Variants in DLG2 observed in about 807,000 individuals in gnomAD.
The protein encoded by DLG2 is discs large MAGUK scaffold protein 2.
DLG2 carries 45 observed loss-of-function variants against 132.5 expected under a neutral mutation model. That is an observed-to-expected ratio of 0.34 (90% CI 0.27 to 0.44). DLG2 has a LOEUF of 0.44. Ranked by LOEUF, DLG2 falls within the 20% of genes least tolerant of loss-of-function variation. The pLI is 1.00. For synonymous variants in DLG2, 424 were observed against 419.6 expected (o/e 1.01, Z -0.13); for missense variants, 1,045 against 1,196.9 (o/e 0.87, Z 1.87).
chr11:84,670,587 T>C (rs1200999428), intron 6 of DLG2, among the ~76,000 whole-genome samples: 1 of 152,118 alleles, frequency 6.6e-6, no homozygotes, highest in Non-Finnish European at 1.5e-5. Flanking sequence ...TGGCATAATA[T>C]AATAATTCAA....
chr11:83,469,479 T>A, intron 24 of DLG2, 106 bp from the exon 25 acceptor site: 1 of 837,920 alleles, frequency 1.2e-6, no homozygotes, highest in Non-Finnish European at 1.8e-6. Context: ...TAGAAATATG[T>A]AGTATGAAGA....
At position 84,210,258 on chromosome 11, in the gene DLG2, G is replaced by A. The variant is rs1288455445; in HGVS notation, c.573+40980C>T. ...AGATAGAGCCACTGCACTCTAGCCT[G>A]GGTGACAGAGTGATACTCTGTCTCC... On this transcript the variant is annotated intron_variant, in intron 8 of 27. Transcript: ENST00000376104. 2.6e-5 allele frequency among the ~76,000 whole-genome samples: 4 copies of A among 151,732 alleles called. No homozygotes were observed. In the East Asian group the frequency reaches 7.7e-4, roughly 29 times the overall value.
chr11:83,792,457 A>G (rs559031855), intron 17 of DLG2, among the ~76,000 whole-genome samples: 1 of 152,306 alleles, frequency 6.6e-6, no homozygotes, highest in African/African-American at 2.4e-5. Context: ...AAGACATACA[A>G]TTAAAAGGCT....
intron 6 of DLG2, among the ~76,000 whole-genome samples, chr11:84,901,337 G>A (rs558474330): frequency 6.6e-6 from 1 of 152,132 alleles, no homozygotes; most frequent in Admixed American, 6.6e-5. Flanking sequence ...ATGAAACTGA[G>A]AGCTAGGTCT....
intron 6 of DLG2, among the ~76,000 whole-genome samples, chr11:84,562,939 A>G (rs902452583): frequency 6.6e-6 from 1 of 152,010 alleles, no homozygotes; most frequent in African/African-American, 2.4e-5. Context: ...TTTCATAGAC[A>G]TGGGGTCTTG....
At chr11:83,755,439 T>C (rs1238939655) in intron 18 of DLG2, among the ~76,000 whole-genome samples, 2 of 151,314 alleles carry the variant, frequency 1.3e-5, no homozygotes, top group Non-Finnish European at 2.9e-5. Context: ...CATATACATA[T>C]AGTATTTTTA....
rs2098201743 is a variant in DLG2 at position 84,305,164 on chromosome 11, G to C, written c.520-53873C>G. Among the ~76,000 whole-genome samples the C allele has an allele frequency of 3.9e-5, 6 of 152,252 alleles. No individual in the cohort carries two copies. In the South Asian group the frequency reaches 1.2e-3, roughly 32 times the overall value. ...TTCTCCACAGCCATAATGCAGATAAGTCTTGGCACAAAAACATAATTTAAT... is the reference window on the plus strand; with the variant it reads ...TTCTCCACAGCCATAATGCAGATAACTCTTGGCACAAAAACATAATTTAAT... On this transcript the variant is annotated intron_variant, in intron 7 of 27. Coordinates refer to ENST00000376104, the MANE Select transcript of DLG2 (RefSeq NM_001142699.3).
At chr11:85,587,649 G>A (rs2079054562) in intron 3 of DLG2, among the ~76,000 whole-genome samples, 1 of 152,150 alleles carries the variant, frequency 6.6e-6, no homozygotes, top group African/African-American at 2.4e-5. Flanking sequence ...TATCCATGCT[G>A]CCATTCTGTA....
chr11:84,292,290 A>C (rs1319398002), intron 7 of DLG2, among the ~76,000 whole-genome samples: 1 of 152,218 alleles, frequency 6.6e-6, no homozygotes, highest in Admixed American at 6.5e-5. Flanking sequence ...ACCAGTGGAG[A>C]GACTTCTCCA....
intron 6 of DLG2, among the ~76,000 whole-genome samples, chr11:84,853,879 C>G (rs76549859): frequency 7.5e-4 from 114 of 152,026 alleles, no homozygotes; most frequent in African/African-American, 2.7e-3. Context: ...TGACTGAATA[C>G]CAATAAAGAA....
At position 83,518,540 on chromosome 11, in the gene DLG2, C is replaced by T. The variant is rs193142738; in HGVS notation, c.2193+14168G>A. 1.9e-3 allele frequency among the ~76,000 whole-genome samples: 294 copies of T among 152,284 alleles called. 4 individuals are homozygous for T. Among genetic ancestry groups the T allele is most frequent in the African/African-American group, 6.8e-3 (283 of 41,570 alleles). On this transcript the variant is annotated intron_variant, in intron 21 of 27. Transcript: ENST00000376104. ...TTCGGCTCATGCTCGGTGCACTGCA[C>T]CCGCTATCCGACAATCCCCAGTGAG... is the stretch of plus-strand genomic sequence containing the variant.
intron 3 of DLG2, among the ~76,000 whole-genome samples, chr11:85,394,964 C>T (rs2087161909): frequency 1.3e-5 from 2 of 152,164 alleles, no homozygotes; most frequent in South Asian, 4.1e-4. Flanking sequence ...TATACTTTTG[C>T]ACTATGATAT....
chr11:84,499,269 A>C (rs953403260), intron 7 of DLG2, among the ~76,000 whole-genome samples: 1 of 152,194 alleles, frequency 6.6e-6, no homozygotes, highest in Non-Finnish European at 1.5e-5. Context: ...TGTTACAAGG[A>C]TTAGATGAGA....
At chr11:85,598,207 G>T (rs916883602) in intron 3 of DLG2, among the ~76,000 whole-genome samples, 1 of 151,912 alleles carries the variant, frequency 6.6e-6, no homozygotes, top group Non-Finnish European at 1.5e-5. Flanking sequence ...AAGATGAAAA[G>T]ATGTTTTTAT....
At chr11:85,045,581 AT>A (rs995328525) in intron 6 of DLG2, among the ~76,000 whole-genome samples, 27 of 152,224 alleles carry the variant, frequency 1.8e-4, no homozygotes, top group Middle Eastern at 3.4e-3. Flanking sequence ...AACAAAAAAA[AT>A]GTCCTTACTA....
At chr11:85,462,115 C>T (rs1257902371) in intron 3 of DLG2, among the ~76,000 whole-genome samples, 1 of 152,296 alleles carries the variant, frequency 6.6e-6, no homozygotes, top group Non-Finnish European at 1.5e-5. Flanking sequence ...CATCTCACGC[C>T]AGTTAGAATG....
At chr11:84,931,151 C>T (rs889032805) in intron 6 of DLG2, among the ~76,000 whole-genome samples, 3 of 152,102 alleles carry the variant, frequency 2.0e-5, no homozygotes, top group Non-Finnish European at 4.4e-5. Context: ...CCACCACAAC[C>T]TTTCAGTATT....
intron 9 of DLG2, among the ~76,000 whole-genome samples, chr11:84,107,518 A>G (rs2093049322): frequency 1.3e-5 from 2 of 152,058 alleles, no homozygotes; most frequent in Admixed American, 1.3e-4. Context: ...ATATCTTGCA[A>G]TGAGCGCATA....
intron 21 of DLG2, 87 bp downstream of exon 21, chr11:83,532,617 ATTTG>A (rs2095782617): frequency 9.5e-7 from 1 of 1,053,400 alleles, no homozygotes; most frequent in African/African-American, 1.6e-5. Flanking sequence ...TACCTTCATA[ATTTG>A]TTTGCTACTG....
Sources: allele counts gnomAD v4.1 joint callset (sites outside exome capture counted in the v4.1 genomes callset), GRCh38; gene constraint gnomAD v4.1.1; transcripts MANE v1.5; gene names NCBI Gene and HGNC (gene_info 2026-07-23, HGNC 2026-07-21).